Variants in RANBP17 observed in about 807,000 individuals in gnomAD.
The protein encoded by RANBP17 is RAN binding protein 17, also known as ran-binding protein 17.
RANBP17 carries 158 observed loss-of-function variants against 141.2 expected under a neutral mutation model. The observed-to-expected ratio is 1.12, with a 90% confidence interval of 0.98 to 1.28. The LOEUF is 1.28. Ranked by LOEUF, RANBP17 falls within the 50% of genes most tolerant of loss-of-function variation. RANBP17 has a pLI of 0.00. For synonymous variants in RANBP17, 430 were observed against 450.0 expected (o/e 0.96, Z 0.56); for missense variants, 1,438 against 1,290.7 (o/e 1.11, Z -1.75).
rs374754716 is a variant in RANBP17, at chr5:170,864,662, G to GT, written c.18+2612dup. ...CTTTAGGTAGAACAGAGGTACCTTGGTAAGAATCGAGAGAATGTTAGGAAA... is the reference window on the plus strand; with the variant it reads ...CTTTAGGTAGAACAGAGGTACCTTGGTTAAGAATCGAGAGAATGTTAGGAAA... On this transcript the variant is annotated intron_variant, in intron 1 of 27. Coordinates refer to ENST00000523189, the MANE Select transcript of RANBP17 (RefSeq NM_022897.5). Among the ~76,000 whole-genome samples the GT allele has an allele frequency of 3.2e-3, 494 of 152,286 alleles. 3 individuals are homozygous for GT. The highest frequency in any genetic ancestry group is 0.012 in the African/African-American group (478 of 41,548).
At chr5:171,000,166 A>G (rs1263728276) in intron 14 of RANBP17, among the ~76,000 whole-genome samples, 1 of 152,128 alleles carries the variant, frequency 6.6e-6, no homozygotes, top group Non-Finnish European at 1.5e-5. Flanking sequence ...GGTTGCTTCC[A>G]TGTTTTAGCT....
intron 3 of RANBP17, among the ~76,000 whole-genome samples, chr5:170,887,100 G>C (rs1227593847): frequency 1.3e-5 from 2 of 152,028 alleles, no homozygotes; most frequent in Non-Finnish European, 2.9e-5. Flanking sequence ...TCTTTGGAAA[G>C]GTGTCTGTTA....
At chr5:170,939,477 CA>C (rs1335083456) in intron 12 of RANBP17, among the ~76,000 whole-genome samples, 2 of 151,848 alleles carry the variant, frequency 1.3e-5, no homozygotes, top group African/African-American at 4.8e-5. Flanking sequence ...CTCTGCCTCC[CA>C]AATTCAAGCC....
Position 170,918,828 on chromosome 5 carries a change from TG to T in RANBP17, c.1071del (p.Ile358LeufsTer23). On this transcript the variant is annotated frameshift_variant, in exon 10 of 28. Transcript: ENST00000523189. LOFTEE classifies it high-confidence loss of function. ...MVKEYPEVIR[L>X]IANFTITSLQ... ...AAGGAATATCCTGAAGTTATTAGAT[TG>T]ATTGCTAATTTTACCATTACTAGCC... The T allele has an allele frequency of 6.3e-7, 1 of 1,583,828 alleles. No individual in the cohort carries two copies. Among genetic ancestry groups the T allele is most frequent in the East Asian group, 2.3e-5 (1 of 43,314 alleles).
intron 20 of RANBP17, among the ~76,000 whole-genome samples, chr5:171,210,352 A>G (rs1413686626): frequency 6.6e-6 from 1 of 151,946 alleles, no homozygotes; most frequent in African/African-American, 2.4e-5. Flanking sequence ...GAAGCATATT[A>G]GAATTGGCAC....
intron 14 of RANBP17, among the ~76,000 whole-genome samples, chr5:171,102,460 TCTC>T: frequency 6.6e-6 from 1 of 152,234 alleles, no homozygotes; most frequent in African/African-American, 2.4e-5. Flanking sequence ...TTTATGTTCT[TCTC>T]TAATCTAGTT....
chr5:171,148,311 G>A (rs1758214291), intron 14 of RANBP17, among the ~76,000 whole-genome samples: 1 of 152,024 alleles, frequency 6.6e-6, no homozygotes, highest in Non-Finnish European at 1.5e-5. Flanking sequence ...TTGTTTGTCT[G>A]CTGACCTTCC....
chr5:171,022,611 G>A (rs1780946679), intron 14 of RANBP17, among the ~76,000 whole-genome samples: 1 of 152,216 alleles, frequency 6.6e-6, no homozygotes, highest in African/African-American at 2.4e-5. Context: ...TGGGAGACAT[G>A]TCTTCGTACC....
chr5:171,108,094 A>G (rs1372080763), intron 14 of RANBP17, among the ~76,000 whole-genome samples: 2 of 152,200 alleles, frequency 1.3e-5, no homozygotes, highest in African/African-American at 4.8e-5. Context: ...TAGATATTAT[A>G]ATTTACTCAT....
chr5:171,100,627 C>A (rs948567221), intron 14 of RANBP17, among the ~76,000 whole-genome samples: 12 of 152,000 alleles, frequency 7.9e-5, no homozygotes, highest in Admixed American at 6.6e-5. Flanking sequence ...TTAGTTATTT[C>A]TTGTCTTCTG....
chr5:171,190,283 A>C (rs765875432), intron 18 of RANBP17, among the ~76,000 whole-genome samples: 1 of 152,176 alleles, frequency 6.6e-6, no homozygotes, highest in Non-Finnish European at 1.5e-5. Flanking sequence ...ATTAGATGCT[A>C]TGTGCCCCAG....
chr5:171,298,883 A>G lies in RANBP17; in HGVS notation c.*25A>G, dbSNP rs778159211. 6.3e-7 allele frequency: 1 copy of G among 1,582,002 alleles called. No homozygotes were observed. Among genetic ancestry groups the G allele is most frequent in the Non-Finnish European group, 8.7e-7 (1 of 1,150,944 alleles). On this transcript the variant is annotated 3_prime_UTR_variant, in exon 28 of 28. Transcript: ENST00000523189. ...ACCCGACTTTTCTGACCATGTGCGG[A>G]GCAGCCTTTATCAAGAGACTCCTGA... is the stretch of plus-strand genomic sequence containing the variant.
At chr5:171,064,285 G>C (rs1033005859) in intron 14 of RANBP17, among the ~76,000 whole-genome samples, 1 of 152,178 alleles carries the variant, frequency 6.6e-6, no homozygotes, top group Non-Finnish European at 1.5e-5. Context: ...GATGGGAGCT[G>C]TTCCTATTCG....
At chr5:171,098,863 T>C (rs1288809753) in intron 14 of RANBP17, among the ~76,000 whole-genome samples, 1 of 151,360 alleles carries the variant, frequency 6.6e-6, no homozygotes, top group African/African-American at 2.4e-5. Context: ...ACCCCGTTTC[T>C]TAAATAGGGA....
At chr5:171,026,209 T>C (rs1781220636) in intron 14 of RANBP17, among the ~76,000 whole-genome samples, 2 of 152,228 alleles carry the variant, frequency 1.3e-5, no homozygotes, top group Non-Finnish European at 2.9e-5. Flanking sequence ...GAAACTCCCA[T>C]GTGCTTGCTG....
intron 14 of RANBP17, among the ~76,000 whole-genome samples, chr5:171,135,431 C>T (rs778248208): frequency 6.6e-6 from 1 of 151,976 alleles, no homozygotes; most frequent in Non-Finnish European, 1.5e-5. Context: ...AAGGTGGAGA[C>T]AATGGTTTTA....
At chr5:170,922,541 C>T (rs904601059) in intron 11 of RANBP17, among the ~76,000 whole-genome samples, 3 of 152,164 alleles carry the variant, frequency 2.0e-5, no homozygotes, top group Non-Finnish European at 4.4e-5. Context: ...CCCCTTCCCC[C>T]GTCAAGCTGC....
chr5:170,950,121 GA>G (rs1415663982), intron 12 of RANBP17, among the ~76,000 whole-genome samples: 2 of 152,022 alleles, frequency 1.3e-5, no homozygotes, highest in African/African-American at 2.4e-5. Flanking sequence ...CTTAAGACCT[GA>G]AACTATAAAA....
At chr5:171,182,571 AAC>A (rs531114295) in intron 16 of RANBP17, among the ~76,000 whole-genome samples, 4 of 152,332 alleles carry the variant, frequency 2.6e-5, no homozygotes, top group Admixed American at 2.6e-4. Context: ...AATAATACTT[AAC>A]AGTGTAATTG....
Sources: gnomAD v4.1 joint callset for allele counts (sites outside exome capture counted in the v4.1 genomes callset) on GRCh38, gnomAD v4.1.1 for gene constraint, MANE v1.5 for transcripts, NCBI Gene and HGNC (gene_info 2026-07-23, HGNC 2026-07-21) for gene names.